IFT43: variants seen among roughly 807,000 people sequenced by gnomAD.
IFT43 encodes intraflagellar transport 43.
In IFT43, 33 loss-of-function variants were observed where a neutral mutation model predicts 32.3. The ratio of observed to expected loss-of-function variants is 1.02; its 90% CI spans 0.77 to 1.37. IFT43 has a LOEUF of 1.37. IFT43 is among the 40% of genes most tolerant of loss of function. The pLI is 0.00. For synonymous variants in IFT43, 93 were observed against 98.2 expected (o/e 0.95, Z 0.31); for missense variants, 274 against 265.9 (o/e 1.03, Z -0.21).
chr14:75,999,271 ATG>A (rs1406673489), intron 2 of IFT43, among the ~76,000 whole-genome samples: 731 of 25,448 alleles, frequency 0.029, 30 homozygotes, highest in African/African-American at 0.069. Context: ...ATATATATAT[ATG>A]TATATATATT....
intron 3 of IFT43, among the ~76,000 whole-genome samples, chr14:76,032,615 T>A (rs1367521121): frequency 6.6e-6 from 1 of 152,224 alleles, no homozygotes; most frequent in African/African-American, 2.4e-5. Context: ...CACTCTCTTA[T>A]TTACATACCC....
chr14:76,059,642 C>T, intron 5 of IFT43: 1 of 478,718 alleles, frequency 2.1e-6, no homozygotes, highest in Non-Finnish European at 3.9e-6. Flanking sequence ...TCCCATCCCA[C>T]TCCCTCTCTC....
At chr14:76,083,206 T>C in intron 7 of IFT43, 21 bp from the exon 8 acceptor site, 2 of 1,612,800 alleles carry the variant, frequency 1.2e-6, no homozygotes, top group Non-Finnish European at 8.5e-7. Flanking sequence ...CAGCCTGACC[T>C]TTTTTTGTTT....
intron 3 of IFT43, among the ~76,000 whole-genome samples, chr14:76,030,453 G>GA (rs2036488852): frequency 6.6e-6 from 1 of 152,170 alleles, no homozygotes; most frequent in Non-Finnish European, 1.5e-5. Context: ...TTTTGGTGGA[G>GA]AATAGTTATA....
chr14:76,028,773 T>C (rs1330368061), intron 3 of IFT43, among the ~76,000 whole-genome samples: 1 of 152,240 alleles, frequency 6.6e-6, no homozygotes, highest in Non-Finnish European at 1.5e-5. Flanking sequence ...TCCATATTGC[T>C]GCAAAGGATT....
chr14:76,064,836 T>C (rs1308706198), intron 5 of IFT43, among the ~76,000 whole-genome samples: 1 of 152,212 alleles, frequency 6.6e-6, no homozygotes, highest in African/African-American at 2.4e-5. Flanking sequence ...TATCTGGACT[T>C]GTACTCTCCT....
intron 3 of IFT43, among the ~76,000 whole-genome samples, chr14:76,031,408 C>T (rs1487162841): frequency 6.6e-6 from 1 of 152,134 alleles, no homozygotes; most frequent in Non-Finnish European, 1.5e-5. Context: ...TTATTCTGTG[C>T]CAGTGGTGTC....
chr14:75,990,772 A>C (rs1391045370), intron 2 of IFT43, among the ~76,000 whole-genome samples: 3 of 152,228 alleles, frequency 2.0e-5, no homozygotes, highest in Non-Finnish European at 2.9e-5. Context: ...GTATTTAAAG[A>C]GAAAACGCGG....
chr14:76,066,101 A>T (rs2037221196), intron 5 of IFT43, among the ~76,000 whole-genome samples: 1 of 152,254 alleles, frequency 6.6e-6, no homozygotes, highest in African/African-American at 2.4e-5. Flanking sequence ...TTCCACAGGT[A>T]GTTTGTATTA....
chr14:75,986,689 A>G (rs2035536949), intron 1 of IFT43, among the ~76,000 whole-genome samples: 1 of 152,192 alleles, frequency 6.6e-6, no homozygotes, highest in East Asian at 1.9e-4. Flanking sequence ...ACCCAAGTTC[A>G]GTGTCTACCT....
intron 2 of IFT43, among the ~76,000 whole-genome samples, chr14:76,016,464 T>G (rs976287329): frequency 6.6e-6 from 1 of 152,190 alleles, no homozygotes; most frequent in South Asian, 2.1e-4. Flanking sequence ...CTTTGTAGTA[T>G]TATATATTTT....
At chr14:76,027,631 C>T (rs1355663120) in intron 3 of IFT43, among the ~76,000 whole-genome samples, 1 of 151,214 alleles carries the variant, frequency 6.6e-6, no homozygotes, top group African/African-American at 2.4e-5. Flanking sequence ...ATGGTGTGAA[C>T]CCGGGAAGTG....
At chr14:76,036,353 TTTTG>T (rs565752030) in intron 3 of IFT43, among the ~76,000 whole-genome samples, 64 of 151,960 alleles carry the variant, frequency 4.2e-4, no homozygotes, top group East Asian at 1.7e-3. Flanking sequence ...CCTTCCTTTT[TTTTG>T]TTTGTTTGTT....
chr14:75,986,621 CTA>C (rs2035534920), intron 1 of IFT43, among the ~76,000 whole-genome samples: 1 of 152,272 alleles, frequency 6.6e-6, no homozygotes, highest in South Asian at 2.1e-4. Flanking sequence ...CTACTGCTGC[CTA>C]TGAGGCTGTG....
intron 2 of IFT43, 30 bp downstream of exon 2, chr14:75,989,007 G>T: frequency 6.2e-7 from 1 of 1,612,308 alleles, no homozygotes. Flanking sequence ...AAAATCTGAA[G>T]AAATACTGTT....
chr14:75,987,559 T>A (rs2035553038), intron 1 of IFT43, among the ~76,000 whole-genome samples: 1 of 152,164 alleles, frequency 6.6e-6, no homozygotes, highest in South Asian at 2.1e-4. Context: ...GGCCTCAGTT[T>A]CCTCCTTTGT....
intron 3 of IFT43, among the ~76,000 whole-genome samples, chr14:76,049,758 G>A (rs1384394672): frequency 6.6e-6 from 1 of 151,066 alleles, no homozygotes; most frequent in Non-Finnish European, 1.5e-5. Flanking sequence ...TGCTGCTTTT[G>A]TACTGCAGGA....
intron 5 of IFT43, among the ~76,000 whole-genome samples, chr14:76,062,938 A>AAAAAAAAAAAAAAAAAAAAAAAAG (rs1485146040): frequency 1.5e-4 from 18 of 120,884 alleles, no homozygotes; most frequent in African/African-American, 3.9e-4. Context: ...AAAAAAAAAA[A>AAAAAAAAAAAAAAAAAAAAAAAAG]AAAGAAAATA....
intron 3 of IFT43, among the ~76,000 whole-genome samples, chr14:76,039,108 C>T (rs944967871): frequency 6.6e-6 from 1 of 151,936 alleles, no homozygotes; most frequent in Non-Finnish European, 1.5e-5. Flanking sequence ...AGACACAACC[C>T]CTTTTTGTAA....
Sources: allele counts gnomAD v4.1 joint callset (sites outside exome capture counted in the v4.1 genomes callset), GRCh38; gene constraint gnomAD v4.1.1; transcripts MANE v1.5; gene names NCBI Gene and HGNC (gene_info 2026-07-23, HGNC 2026-07-21).